The following EYS variants were observed in gnomAD, a reference collection of about 807,000 sequenced individuals.
The protein encoded by EYS is protein eyes shut homolog.
In EYS, 250 loss-of-function variants were observed where a neutral mutation model predicts 282.1. The ratio of observed to expected loss-of-function variants is 0.89; its 90% confidence interval spans 0.80 to 0.98. The LOEUF (loss-of-function observed/expected upper bound fraction) is 0.98. EYS is among the 50% of genes least tolerant of loss of function. EYS has a pLI of 0.00. For synonymous variants in EYS, 1,355 were observed against 1,282.9 expected, an observed-to-expected ratio of 1.06 and a Z score of -1.20; for missense variants, 4,016 against 3,709.0, an observed-to-expected ratio of 1.08 and a Z score of -2.15.
chr6:65,020,273 G>A (rs1285868527), intron 13 of EYS, among the ~76,000 whole-genome samples: 1 of 152,194 alleles, frequency 6.6e-6, no homozygotes, highest in African/African-American at 2.4e-5. Flanking sequence ...CTATGAGCCT[G>A]TAAAATCAAA....
intron 12 of EYS, among the ~76,000 whole-genome samples, chr6:65,183,226 G>T (rs1765435771): frequency 6.6e-6 from 1 of 151,816 alleles, no homozygotes; most frequent in Non-Finnish European, 1.5e-5. Flanking sequence ...TGATTATTTA[G>T]CATAATGCCA....
chr6:64,180,364 T>G (rs1032851239), intron 31 of EYS, among the ~76,000 whole-genome samples: 4 of 152,154 alleles, frequency 2.6e-5, no homozygotes, highest in African/African-American at 7.2e-5. Context: ...TCACAAATGG[T>G]CATAGTTCTA....
intron 24 of EYS, among the ~76,000 whole-genome samples, chr6:64,616,752 C>A (rs1767286395): frequency 6.6e-6 from 1 of 152,022 alleles, no homozygotes; most frequent in Non-Finnish European, 1.5e-5. Context: ...CCTGACTATA[C>A]CCCATCTCTA....
At chr6:64,949,524 T>C (rs1235292756) in intron 14 of EYS, among the ~76,000 whole-genome samples, 1 of 151,902 alleles carries the variant, frequency 6.6e-6, no homozygotes, top group African/African-American at 2.4e-5. Flanking sequence ...TGCTGTTACC[T>C]CTTGTTTTGT....
intron 42 of EYS, among the ~76,000 whole-genome samples, chr6:63,724,296 T>C (rs943682651): frequency 2.6e-5 from 4 of 152,202 alleles, no homozygotes; most frequent in African/African-American, 9.6e-5. Context: ...TGCTTTATTA[T>C]AGATAAGAGA....
At chr6:64,337,031 G>C (rs536903237) in intron 29 of EYS, among the ~76,000 whole-genome samples, 4 of 151,978 alleles carry the variant, frequency 2.6e-5, no homozygotes, top group Non-Finnish European at 5.9e-5. Flanking sequence ...GGCTGAAAGA[G>C]CACAAACTGA....
rs1562154612 is a variant in EYS, at chr6:64,019,852, A to ATATATATATATATACTTATATATATAAG, written c.6726-20670_6726-20669insCTTATATATATAAGTATATATATATATA. 9.0e-3 allele frequency among the ~76,000 whole-genome samples: 421 copies of ATATATATATATATACTTATATATATAAG among 46,796 alleles called. 3 individuals carry two copies. Among genetic ancestry groups the ATATATATATATATACTTATATATATAAG allele is most frequent in the African/African-American group, 0.067 (395 of 5,866 alleles). 30.7% of individuals were successfully genotyped at this position (46,796 alleles called of 152,430 possible). A position where few individuals can be genotyped will look rare whatever the true frequency, so the allele number is the denominator to read the frequency against. On this transcript the variant is annotated intron_variant, in intron 33 of 42. Transcript: ENST00000503581. Reference sequence around the variant, plus strand: ...TATATATATATATGTATATATAAGTATATATATATATATATACTTACATAT... The same window carrying ATATATATATATATACTTATATATATAAG: ...TATATATATATATGTATATATAAGTATATATATATATATACTTATATATATAAGTATATATATATATATACTTACATAT...
intron 26 of EYS, among the ~76,000 whole-genome samples, chr6:64,506,884 G>A (rs1022506440): frequency 2.2e-5 from 3 of 138,032 alleles, no homozygotes; most frequent in Admixed American, 2.2e-4. Flanking sequence ...ACTCCAACCT[G>A]GGCGATAAAG....
At chr6:64,529,565 A>G (rs1001337919) in intron 26 of EYS, among the ~76,000 whole-genome samples, 15 of 151,084 alleles carry the variant, frequency 9.9e-5, no homozygotes, top group Admixed American at 2.7e-4. Flanking sequence ...CATTTAATGG[A>G]CATCTCTTAT....
intron 12 of EYS, among the ~76,000 whole-genome samples, chr6:65,157,656 T>A (rs1175435894): frequency 2.0e-5 from 3 of 150,718 alleles, no homozygotes; most frequent in African/African-American, 7.3e-5. Flanking sequence ...GAAAAATGCA[T>A]GAAAATTATA....
intron 26 of EYS, among the ~76,000 whole-genome samples, chr6:64,582,498 A>T (rs1471212176): frequency 4.0e-5 from 6 of 151,862 alleles, no homozygotes; most frequent in Non-Finnish European, 2.9e-5. Flanking sequence ...TGGTATAGTT[A>T]TAGCTGTGTT....
intron 1 of EYS, among the ~76,000 whole-genome samples, chr6:65,658,740 T>C (rs1767906853): frequency 6.6e-6 from 1 of 151,606 alleles, no homozygotes; most frequent in Non-Finnish European, 1.5e-5. Flanking sequence ...ACTGCAGCCT[T>C]TCCTAACTTT....
intron 2 of EYS, among the ~76,000 whole-genome samples, chr6:65,512,815 C>T (rs1475012597): frequency 6.6e-6 from 1 of 151,554 alleles, no homozygotes; most frequent in Non-Finnish European, 1.5e-5. Flanking sequence ...TTTATAGCAC[C>T]AAATGCCCAC....
chr6:65,353,739 A>G (rs1764373719), intron 8 of EYS, 122 bp from the exon 9 acceptor site: 1 of 697,086 alleles, frequency 1.4e-6, no homozygotes. Context: ...TATGGGACAC[A>G]CTTTTTATAC....
At chr6:65,313,930 G>A (rs912654668) in intron 11 of EYS, among the ~76,000 whole-genome samples, 22 of 152,242 alleles carry the variant, frequency 1.4e-4, no homozygotes, top group African/African-American at 5.1e-4. Context: ...CCTGCAAGGT[G>A]GTATCTGATC....
At chr6:64,598,727 A>G (rs1019702101) in intron 24 of EYS, among the ~76,000 whole-genome samples, 5 of 152,198 alleles carry the variant, frequency 3.3e-5, no homozygotes, top group African/African-American at 1.2e-4. Flanking sequence ...GTTGGAAATG[A>G]GCTGGTCAAC....
chr6:64,746,947 G>A (rs1772575748), intron 22 of EYS, among the ~76,000 whole-genome samples: 1 of 152,202 alleles, frequency 6.6e-6, no homozygotes, highest in African/African-American at 2.4e-5. Flanking sequence ...AAACAGAAGA[G>A]TACTCAGATT....
intron 33 of EYS, among the ~76,000 whole-genome samples, chr6:64,046,079 A>C (rs1005259625): frequency 6.8e-6 from 1 of 147,996 alleles, no homozygotes; most frequent in Admixed American, 6.8e-5. Flanking sequence ...TATATAATAA[A>C]TATCTTACAT....
chr6:64,613,612 T>C (rs1767177520), intron 24 of EYS, among the ~76,000 whole-genome samples: 1 of 152,016 alleles, frequency 6.6e-6, no homozygotes. Context: ...GAGCAGAAAT[T>C]CAGAAGCAGA....
Sources: allele counts gnomAD v4.1 joint callset (sites outside exome capture counted in the v4.1 genomes callset), GRCh38; gene constraint gnomAD v4.1.1; transcripts MANE v1.5; gene names NCBI Gene and HGNC (gene_info 2026-07-23, HGNC 2026-07-21).